The following CSMD1 variants were observed in gnomAD, a reference collection of about 807,000 sequenced individuals.
The protein encoded by CSMD1 is CUB and Sushi multiple domains 1.
A neutral mutation model predicts 417.5 loss-of-function variants in CSMD1; 213 were observed. The ratio of observed to expected loss-of-function variants is 0.51; its 90% CI spans 0.46 to 0.57. The LOEUF (loss-of-function observed/expected upper bound fraction) is 0.57. CSMD1 is among the 20% of genes least tolerant of loss of function. CSMD1 has a pLI of 0.00. For synonymous variants in CSMD1, 2,862 were observed against 1,736.8 expected (o/e 1.65, Z -16.11); for missense variants, 6,923 against 4,529.7 (o/e 1.53, Z -15.17).
At chr8:4,480,837 T>G (rs1801058851) in intron 2 of CSMD1, among the ~76,000 whole-genome samples, 1 of 152,230 alleles carries the variant, frequency 6.6e-6, no homozygotes. Flanking sequence ...ATTCAGGTTT[T>G]GTCACACCAT....
intron 3 of CSMD1, among the ~76,000 whole-genome samples, chr8:4,212,916 C>G (rs1382015195): frequency 1.3e-5 from 2 of 152,022 alleles, no homozygotes; most frequent in African/African-American, 4.8e-5. Context: ...GAAGACACTT[C>G]TTCTCATTCC....
At chr8:3,746,785 CT>C (rs1400290391) in intron 6 of CSMD1, among the ~76,000 whole-genome samples, 1 of 152,124 alleles carries the variant, frequency 6.6e-6, no homozygotes, top group African/African-American at 2.4e-5. Context: ...ACATTTATGA[CT>C]TTTTAATATA....
At chr8:4,216,293 C>T (rs1328808533) in intron 3 of CSMD1, among the ~76,000 whole-genome samples, 1 of 152,124 alleles carries the variant, frequency 6.6e-6, no homozygotes, top group East Asian at 1.9e-4. Flanking sequence ...CTGTGGTTGC[C>T]TAGTCAATTC....
At chr8:4,032,322 C>T (rs1259522315) in intron 3 of CSMD1, among the ~76,000 whole-genome samples, 1 of 152,088 alleles carries the variant, frequency 6.6e-6, no homozygotes, top group Admixed American at 6.5e-5. Flanking sequence ...TAAATAAATG[C>T]ATTTTGTTAA....
intron 2 of CSMD1, among the ~76,000 whole-genome samples, chr8:4,549,096 T>G (rs530440669): frequency 1.1e-3 from 161 of 152,318 alleles, no homozygotes; most frequent in African/African-American, 3.7e-3. Context: ...TCCATAAGTT[T>G]GACTTAAGAA....
At chr8:4,280,907 A>C (rs1043633850) in intron 3 of CSMD1, among the ~76,000 whole-genome samples, 1 of 152,226 alleles carries the variant, frequency 6.6e-6, no homozygotes, top group Non-Finnish European at 1.5e-5. Context: ...TTGTCATGGA[A>C]GTTGCAATTG....
intron 6 of CSMD1, among the ~76,000 whole-genome samples, chr8:3,742,823 G>A (rs1384508455): frequency 6.6e-6 from 1 of 152,194 alleles, no homozygotes; most frequent in Non-Finnish European, 1.5e-5. Flanking sequence ...CCTCATATAA[G>A]GAGACCCAAC....
At chr8:4,403,853 T>G (rs1804826718) in intron 3 of CSMD1, among the ~76,000 whole-genome samples, 1 of 152,106 alleles carries the variant, frequency 6.6e-6, no homozygotes, top group African/African-American at 2.4e-5. Flanking sequence ...GATTGGGAAT[T>G]TACATTTAAC....
intron 3 of CSMD1, among the ~76,000 whole-genome samples, chr8:4,357,776 T>A (rs973696069): frequency 2.6e-5 from 4 of 151,854 alleles, no homozygotes; most frequent in Non-Finnish European, 5.9e-5. Flanking sequence ...ATGAAAAGAA[T>A]AAGGAGGATG....
intron 1 of CSMD1, among the ~76,000 whole-genome samples, chr8:4,694,675 T>C (rs1242339453): frequency 6.6e-6 from 1 of 152,076 alleles, no homozygotes; most frequent in Non-Finnish European, 1.5e-5. Flanking sequence ...ATGTACTTCC[T>C]AGATACATTG....
At chr8:3,308,741 T>TTG (rs1805092752) in intron 23 of CSMD1, among the ~76,000 whole-genome samples, 1 of 148,438 alleles carries the variant, frequency 6.7e-6, no homozygotes, top group South Asian at 2.2e-4. Context: ...AGTTTTTTTT[T>TTG]TTTTTTTTTT....
At chr8:4,503,903 G>A (rs376937305) in intron 2 of CSMD1, among the ~76,000 whole-genome samples, 5 of 149,644 alleles carry the variant, frequency 3.3e-5, no homozygotes, top group African/African-American at 9.9e-5. Context: ...ACCTGATTCT[G>A]CTTCAAAATT....
intron 1 of CSMD1, among the ~76,000 whole-genome samples, chr8:4,809,613 A>G (rs1231338520): frequency 2.6e-5 from 4 of 152,210 alleles, no homozygotes; most frequent in Non-Finnish European, 2.9e-5. Flanking sequence ...TGTGCTCTCC[A>G]GTAGAAATAA....
intron 12 of CSMD1, among the ~76,000 whole-genome samples, chr8:3,416,627 A>T (rs1358693479): frequency 2.0e-5 from 3 of 152,198 alleles, no homozygotes; most frequent in Admixed American, 6.5e-5. Context: ...AGCTACATGG[A>T]AACACGTCCA....
intron 1 of CSMD1, among the ~76,000 whole-genome samples, chr8:4,688,784 C>G (rs563417301): frequency 3.9e-5 from 6 of 152,314 alleles, no homozygotes; most frequent in South Asian, 2.1e-4. Context: ...ACTCAAAACT[C>G]CCCGTGCTTT....
At chr8:3,359,085 T>G (rs2117707834) in intron 21 of CSMD1, 67 bp downstream of exon 21, 1 of 1,509,148 alleles carries the variant, frequency 6.6e-7, no homozygotes. Context: ...CCGACCACCC[T>G]AGGCTTCTTG....
At chr8:4,827,140 A>T (rs2117417783) in intron 1 of CSMD1, among the ~76,000 whole-genome samples, 1 of 152,270 alleles carries the variant, frequency 6.6e-6, no homozygotes, top group Non-Finnish European at 1.5e-5. Flanking sequence ...AGAATAATTA[A>T]AACAAAGAAA....
chr8:4,801,394 A>G (rs1296855928), intron 1 of CSMD1, among the ~76,000 whole-genome samples: 1 of 151,502 alleles, frequency 6.6e-6, no homozygotes, highest in Non-Finnish European at 1.5e-5. Context: ...AGTGAGAGAC[A>G]CCCTCTCCCC....
rs542691576 is a variant in CSMD1, at chr8:3,997,033, C to T, written c.818+870G>A. On this transcript the variant is annotated intron_variant, in intron 5 of 69. Coordinates refer to ENST00000635120, the MANE Select transcript of CSMD1 (RefSeq NM_033225.6). Reference sequence around the variant, plus strand: ...CCTCTTCCTACTCATAAATGGCCAACATTTCCTCTGTGTCTACCTGAGTTT... The same window carrying T: ...CCTCTTCCTACTCATAAATGGCCAATATTTCCTCTGTGTCTACCTGAGTTT... 1.2e-4 allele frequency among the ~76,000 whole-genome samples: 19 copies of T among 152,300 alleles called. No individual in the cohort carries two copies. In the South Asian group the frequency reaches 3.7e-3, roughly 30 times the overall value.
Sources: gnomAD v4.1 joint callset for allele counts (sites outside exome capture counted in the v4.1 genomes callset) on GRCh38, gnomAD v4.1.1 for gene constraint, MANE v1.5 for transcripts, NCBI Gene and HGNC (gene_info 2026-07-23, HGNC 2026-07-21) for gene names.